The following ARHGEF9 variants were observed in gnomAD, a reference collection of about 807,000 sequenced individuals.
ARHGEF9 encodes rho guanine nucleotide exchange factor 9.
A neutral mutation model predicts 41.3 loss-of-function variants in ARHGEF9; 2 were observed. The ratio of observed to expected loss-of-function variants is 0.05; its 90% CI spans 0.02 to 0.15. The LOEUF is 0.15. Among genes scored for constraint, ARHGEF9 ranks in the 10% least tolerant of loss-of-function variants. The pLI is 1.00. For missense variants in ARHGEF9, 225 were observed against 424.7 expected, an observed-to-expected ratio of 0.53 and a Z score of 4.13; for synonymous variants, 160 against 154.4, an observed-to-expected ratio of 1.04 and a Z score of -0.27.
chrX:63,779,119 C>CA (rs2056340220), intron 1 of ARHGEF9, among the ~76,000 whole-genome samples: 1 of 111,662 alleles, frequency 9.0e-6, no homozygotes, highest in Non-Finnish European at 1.9e-5. Context: ...CAAACTTTCC[C>CA]ACATCTTCCT....
intron 1 of ARHGEF9, chrX:63,743,296 T>G (rs1556428980): frequency 8.9e-6 from 1 of 112,498 alleles, no homozygotes; most frequent in African/African-American, 3.2e-5. Flanking sequence ...TTGGTACTGG[T>G]GAGTTGATAA....
At chrX:63,665,173 A>G (rs1188171691) in intron 7 of ARHGEF9, among the ~76,000 whole-genome samples, 2 of 112,332 alleles carry the variant, frequency 1.8e-5, no homozygotes, top group African/African-American at 6.5e-5. Context: ...AGTAGGGGTA[A>G]GAGTATCCCA....
chrX:63,692,939 C>T (rs2051453393), intron 4 of ARHGEF9, among the ~76,000 whole-genome samples: 1 of 111,698 alleles, frequency 9.0e-6, no homozygotes. Context: ...ATTATGTCAA[C>T]TGAAATAAGC....
chrX:63,688,533 G>GA (rs1416507784), intron 4 of ARHGEF9, among the ~76,000 whole-genome samples: 4 of 112,445 alleles, frequency 3.6e-5, no homozygotes, highest in Admixed American at 9.4e-5. Flanking sequence ...TATGAAGACT[G>GA]AAAAAAATCT....
At chrX:63,660,505 A>G (rs2147241845) in intron 7 of ARHGEF9, among the ~76,000 whole-genome samples, 1 of 111,579 alleles carries the variant, frequency 9.0e-6, no homozygotes, top group East Asian at 2.8e-4. Flanking sequence ...CAATTTACCT[A>G]CGTAACAAAT....
intron 1 of ARHGEF9, among the ~76,000 whole-genome samples, chrX:63,730,987 T>A (rs1660392368): frequency 1.8e-5 from 2 of 112,243 alleles, no homozygotes; most frequent in South Asian, 7.4e-4. Flanking sequence ...AAAATAGACA[T>A]TTAATTAGCC....
At chrX:63,705,382 T>C (rs1202327470) in intron 3 of ARHGEF9, among the ~76,000 whole-genome samples, 1 of 108,920 alleles carries the variant, frequency 9.2e-6, no homozygotes, top group Admixed American at 9.9e-5. Flanking sequence ...TGTGTGTGTG[T>C]GTGTGTGTGT....
intron 1 of ARHGEF9, chrX:63,754,398 T>C: frequency 8.4e-7 from 1 of 1,187,796 alleles, no homozygotes; most frequent in Admixed American, 2.4e-5. Flanking sequence ...TTTCCCTGTC[T>C]CTGTCTGTGA....
At chrX:63,751,296 GGAA>G (rs2055616181) in intron 1 of ARHGEF9, among the ~76,000 whole-genome samples, 1 of 111,151 alleles carries the variant, frequency 9.0e-6, no homozygotes, top group Non-Finnish European at 1.9e-5. Context: ...TGGGAAGAAA[GGAA>G]GAAGGAGAAA....
chrX:63,643,644 C>T (rs1330246125), intron 9 of ARHGEF9, among the ~76,000 whole-genome samples: 1 of 109,174 alleles, frequency 9.2e-6, no homozygotes, highest in Non-Finnish European at 1.9e-5. Flanking sequence ...CATGCCCAAA[C>T]TATACTTATT....
intron 9 of ARHGEF9, among the ~76,000 whole-genome samples, chrX:63,643,678 G>T (rs1177197913): frequency 9.3e-6 from 1 of 107,421 alleles, no homozygotes; most frequent in Admixed American, 1.0e-4. Flanking sequence ...GTTGTCCATT[G>T]ATCTATAAAT....
chrX:63,637,719 G>T lies in ARHGEF9; in HGVS notation c.*309C>A. 1 of 231,167 alleles carries T rather than the reference G, an allele frequency of 4.3e-6. No individual in the cohort carries two copies. The highest frequency in any genetic ancestry group is 7.7e-6 in the Non-Finnish European group (1 of 129,745). The allele number at this position is 231,167 out of a possible 1,213,427, so 19.1% of individuals were successfully genotyped here. On this transcript the variant is annotated 3_prime_UTR_variant, in exon 10 of 10. Transcript: ENST00000671741. Reference sequence around the variant, plus strand: ...TCAACTTCTGAAAGCAAAGGGAAGGGGGACAGGGTAAAAATGGAAAACTTT... The same window carrying T: ...TCAACTTCTGAAAGCAAAGGGAAGGTGGACAGGGTAAAAATGGAAAACTTT...
chrX:63,678,450 C>A lies in ARHGEF9; in HGVS notation c.705G>T (p.Gln235His). ...QHFFEACRLL[Q>H]QMIDIAIDGF... ...CATCGATAGCAATGTCAATCATCTG[C>A]TGCAAGAGGCGACAGGCCTCAAAGA... Residue 235 changes from glutamine (Q) to histidine (H), a missense_variant, in exon 5 of 10, where the codon CAG (glutamine) becomes CAT (histidine). Gln to His is a conservative substitution (Grantham distance 24). Transcript: ENST00000671741. The A allele has an allele frequency of 8.3e-7, 1 of 1,205,432 alleles. No homozygotes were observed. Among genetic ancestry groups the A allele is most frequent in the Non-Finnish European group, 1.1e-6 (1 of 892,109 alleles).
At chrX:63,727,700 T>C (rs1440623693) in intron 1 of ARHGEF9, 1 of 111,997 alleles carries the variant, frequency 8.9e-6, no homozygotes, top group African/African-American at 3.2e-5. Flanking sequence ...GTAATGATAA[T>C]TATGATGATG....
intron 5 of ARHGEF9, among the ~76,000 whole-genome samples, chrX:63,677,460 T>C (rs2050327078): frequency 8.9e-6 from 1 of 111,980 alleles, no homozygotes; most frequent in African/African-American, 3.3e-5. Context: ...GGCATCAGCC[T>C]TTAGTTGCCT....
At chrX:63,658,612 G>T (rs1390688283) in intron 7 of ARHGEF9, among the ~76,000 whole-genome samples, 2 of 111,608 alleles carry the variant, frequency 1.8e-5, no homozygotes, top group Non-Finnish European at 3.8e-5. Context: ...GGCCAGACTT[G>T]TCCACCAAAT....
intron 7 of ARHGEF9, 120 bp from the exon 8 acceptor site, chrX:63,655,857 T>C: frequency 1.0e-6 from 1 of 978,218 alleles, no homozygotes; most frequent in Non-Finnish European, 1.4e-6. Context: ...TGGGGGTTGG[T>C]TTGTTCTAAA....
At chrX:63,722,405 T>G (rs1450947155) in intron 2 of ARHGEF9, among the ~76,000 whole-genome samples, 1 of 108,171 alleles carries the variant, frequency 9.2e-6, no homozygotes, top group Non-Finnish European at 1.9e-5. Flanking sequence ...TTCTTGTTGT[T>G]TTTTGTTTTT....
intron 7 of ARHGEF9, among the ~76,000 whole-genome samples, chrX:63,658,454 C>G (rs1402016715): frequency 4.5e-5 from 5 of 112,053 alleles, no homozygotes; most frequent in African/African-American, 1.6e-4. Flanking sequence ...TGATGCCTTG[C>G]TGCCTAACCT....
Sources: allele counts gnomAD v4.1 joint callset (sites outside exome capture counted in the v4.1 genomes callset), GRCh38; gene constraint gnomAD v4.1.1; transcripts MANE v1.5; gene names NCBI Gene and HGNC (gene_info 2026-07-23, HGNC 2026-07-21).